Variants in MIS18BP1 observed in about 807,000 individuals in gnomAD.
MIS18BP1 encodes the protein MIS18 binding protein 1.
MIS18BP1 carries 72 observed loss-of-function variants against 116.1 expected under a neutral mutation model. The ratio of observed to expected loss-of-function variants is 0.62; its 90% CI spans 0.51 to 0.75. The LOEUF is 0.75. Ranked by LOEUF, MIS18BP1 falls within the 30% of genes least tolerant of loss-of-function variation. The probability of loss-of-function intolerance (pLI) is 0.00; values close to 1 mark genes in which losing one functional copy is unlikely to be tolerated. For missense variants in MIS18BP1, 1,363 were observed against 1,303.2 expected, an observed-to-expected ratio of 1.05 and a Z score of -0.71; for synonymous variants, 386 against 427.0, an observed-to-expected ratio of 0.90 and a Z score of 1.18.
At chr14:45,243,713 A>G (rs1288477865) in intron 2 of MIS18BP1, among the ~76,000 whole-genome samples, 3 of 152,144 alleles carry the variant, frequency 2.0e-5, no homozygotes, top group Non-Finnish European at 4.4e-5. Context: ...ATAAGTTTCT[A>G]TATCTTTAAC....
At chr14:45,239,253 G>A (rs1891510375) in intron 4 of MIS18BP1, among the ~76,000 whole-genome samples, 1 of 152,162 alleles carries the variant, frequency 6.6e-6, no homozygotes, top group Admixed American at 6.5e-5. Flanking sequence ...GTGTGTTAGG[G>A]TTGGGGGTGG....
chr14:45,237,068 C>G (rs145292555), intron 5 of MIS18BP1, among the ~76,000 whole-genome samples: 2 of 147,194 alleles, frequency 1.4e-5, no homozygotes, highest in East Asian at 4.0e-4. Context: ...GGCTGGAGAA[C>G]AGTTATAACC....
chr14:45,240,378 G>A (rs540482240), intron 4 of MIS18BP1, among the ~76,000 whole-genome samples: 114 of 152,222 alleles, frequency 7.5e-4, no homozygotes, highest in Non-Finnish European at 1.3e-3. Context: ...GCCAGGCGTG[G>A]TGGCTCACAC....
At chr14:45,210,110 GTTTT>G (rs528816614) in intron 14 of MIS18BP1, 9 of 233,150 alleles carry the variant, frequency 3.9e-5, no homozygotes, top group Non-Finnish European at 7.2e-5. Flanking sequence ...GGTTTCTTTA[GTTTT>G]TTTTTTTTAA....
At chr14:45,206,051 T>G in intron 15 of MIS18BP1, 32 bp downstream of exon 15, 2 of 1,390,414 alleles carry the variant, frequency 1.4e-6, no homozygotes, top group Non-Finnish European at 2.0e-6. Flanking sequence ...AGTTGTTTCA[T>G]AGATATGTAT....
intron 11 of MIS18BP1, among the ~76,000 whole-genome samples, chr14:45,223,660 G>C (rs1379859739): frequency 6.6e-6 from 1 of 152,160 alleles, no homozygotes; most frequent in African/African-American, 2.4e-5. Context: ...TGGCTATCTT[G>C]AAATATTACA....
At chr14:45,218,876 G>C (rs1335573359) in intron 11 of MIS18BP1, among the ~76,000 whole-genome samples, 1 of 129,250 alleles carries the variant, frequency 7.7e-6, no homozygotes, top group Non-Finnish European at 1.8e-5. Context: ...ATACAGTCTA[G>C]GTTATAAGCT....
rs777514496 is a variant in MIS18BP1 at position 45,242,024 on chromosome 14, G to C, written c.1143+10C>G. 1.6e-5 allele frequency: 25 copies of C among 1,589,092 alleles called. No homozygotes were observed. In the Admixed American group the frequency reaches 4.0e-4, roughly 25 times the overall value. On this transcript the variant is annotated intron_variant, in intron 4 of 16. Transcript: ENST00000310806. ...ATAGAAATAAATATCTGTCTTAAAA[G>C]TTTTCCCACCTGATTTTTTTTAAGT...
chr14:45,247,015 T>C lies in MIS18BP1; in HGVS notation c.272A>G (p.Asp91Gly), dbSNP rs752027713. 2 of 1,613,488 alleles carry C rather than the reference T, an allele frequency of 1.2e-6. No homozygotes were observed. The highest frequency in any genetic ancestry group is 1.7e-6 in the Non-Finnish European group (2 of 1,179,910). The part of the protein sequence containing the change: ...TEATTSNSSL[D>G]ISAIKPNKDG... The stretch of plus-strand genomic sequence containing the variant: ...CTTGTTGGGCTTTATAGCACTGATA[T>C]CAAGAGAACTGTTAGAGGTAGTAGC... Residue 91 changes from aspartate to glycine, a missense_variant, in exon 2 of 17, where the codon GAT becomes GGT. Transcript: ENST00000310806.
chr14:45,218,372 A>T lies in MIS18BP1; in HGVS notation c.2752T>A (p.Cys918Ser). ...AAVGSRSPEE[C>S]QRKYMENPRG... ...GGATTTTCCATGTATTTCCTCTGGC[A>T]TTCTTCAGGAGATCGAGAACCTACA... Residue 918 changes from cysteine (C) to serine (S), a missense_variant, in exon 12 of 17, where the codon TGC becomes AGC. By Grantham distance (112) the Cys-to-Ser change is moderately radical (BLOSUM62 -1). Transcript: ENST00000310806. The T allele has an allele frequency of 6.2e-7, 1 of 1,614,026 alleles. No individual in the cohort carries two copies. Among genetic ancestry groups the T allele is most frequent in the East Asian group, 2.2e-5 (1 of 44,854 alleles).
At position 45,203,905 on chromosome 14, in the gene MIS18BP1, C is replaced by T. The variant is rs543007989; in HGVS notation, c.*204G>A. The T allele has an allele frequency of 4.5e-5, 23 of 511,762 alleles. No individual in the cohort carries two copies. Among genetic ancestry groups the T allele is most frequent in the South Asian group, 1.0e-4 (2 of 19,572 alleles). The allele number at this position is 511,762 out of a possible 1,614,324, so 31.7% of individuals were successfully genotyped here. A position where few individuals can be genotyped will look rare whatever the true frequency, so the allele number is the denominator to read the frequency against. ...AAAAACAAATTTACAGATATCTACA[C>T]GAGCAAAAACAATTTTCTTTACATT... is the stretch of plus-strand genomic sequence containing the variant. On this transcript the variant is annotated 3_prime_UTR_variant, in exon 17 of 17. Transcript: ENST00000310806.
In MIS18BP1 at chr14:45,208,623, C is replaced by T. The variant is rs147092749; in HGVS notation, c.3152+1757G>A. Among the ~76,000 whole-genome samples, 42 of 152,098 alleles carry T rather than the reference C, an allele frequency of 2.8e-4. No homozygotes were observed. In the East Asian group the frequency reaches 5.6e-3, roughly 20 times the overall value. The stretch of plus-strand genomic sequence containing the variant: ...CTGGGATTACAGGTGTGAGCTACCG[C>T]GCCCGGCCACGGATGAATATTTTAA... On this transcript the variant is annotated intron_variant, in intron 14 of 16. Coordinates refer to ENST00000310806, the MANE Select transcript of MIS18BP1 (RefSeq NM_018353.5).
rs1466698407 is a variant in MIS18BP1 at position 45,223,975 on chromosome 14, A to T, written c.2612T>A (p.Leu871Ter). 1 of 1,606,636 alleles carries T rather than the reference A, an allele frequency of 6.2e-7. No homozygotes were observed. The highest frequency in any genetic ancestry group is 8.5e-7 in the Non-Finnish European group (1 of 1,178,292). ...TTCCTTATCCTGAATTAAACCAGGT[A>T]AGCATTCTAAGGGATGCCTATTTGT... ...DKTNRHPLECLPGLIQDKEWN... is the reference protein window; with the variant it reads ...DKTNRHPLEC Residue 871 changes from leucine (L) to a stop codon, truncating the protein, a stop_gained, in exon 11 of 17, where the codon TTA becomes TAA. Transcript: ENST00000310806. LOFTEE classifies it high-confidence loss of function.
In MIS18BP1 at chr14:45,224,583, A is replaced by G. The variant is rs931697278; in HGVS notation, c.2004T>C (p.Tyr668=). 2.5e-6 allele frequency: 4 copies of G among 1,613,776 alleles called. No individual in the cohort carries two copies. Among genetic ancestry groups the G allele is most frequent in the Middle Eastern group, 1.7e-4 (1 of 6,058 alleles). The change falls in exon 11 of 17, where the codon TAT becomes TAC. Residue 668 remains tyrosine (Y), a synonymous_variant. Transcript: ENST00000310806. ...RKVIEQRCMR[Y]NLSAGTIKAV... ...CTTTGATGGTGCCAGCGGACAGATTATACCTCATGCATCTTTGCTCTATCA... is the reference window on the plus strand; with the variant it reads ...CTTTGATGGTGCCAGCGGACAGATTGTACCTCATGCATCTTTGCTCTATCA...
chr14:45,246,815 A>ATT lies in MIS18BP1; in HGVS notation c.470_471dup (p.Leu158AsnfsTer24), dbSNP rs546807245. 1.8e-5 allele frequency: 24 copies of ATT among 1,323,100 alleles called. No homozygotes were observed. Among genetic ancestry groups the ATT allele is most frequent in the East Asian group, 7.9e-5 (3 of 37,738 alleles). The allele number at this position is 1,323,100 out of a possible 1,614,324, so 82.0% of individuals were successfully genotyped here. A position where few individuals can be genotyped will look rare whatever the true frequency, so the allele number is the denominator to read the frequency against. The stretch of plus-strand genomic sequence containing the variant: ...TCTTCACATAGGTAGGTATGCTGCA[A>ATT]TTTTTTTTTTTCAACTCTGTTAGGA... On this transcript the variant is annotated frameshift_variant, in exon 2 of 17. Coordinates refer to ENST00000310806, the MANE Select transcript of MIS18BP1 (RefSeq NM_018353.5). LOFTEE classifies it high-confidence loss of function.
At chr14:45,216,388 T>C (rs1055971515) in intron 13 of MIS18BP1, among the ~76,000 whole-genome samples, 2 of 152,210 alleles carry the variant, frequency 1.3e-5, no homozygotes, top group Admixed American at 6.5e-5. Context: ...ATTCAGAAAG[T>C]ACATAAATAT....
At chr14:45,245,850 A>G (rs1036262134) in intron 2 of MIS18BP1, among the ~76,000 whole-genome samples, 3 of 152,138 alleles carry the variant, frequency 2.0e-5, no homozygotes, top group African/African-American at 7.2e-5. Context: ...CTAAATTCCA[A>G]CTAGTTTTTT....
Position 45,242,301 on chromosome 14 carries a change from A to G in MIS18BP1, c.876T>C (p.Cys292=). The G allele has an allele frequency of 1.2e-6, 2 of 1,614,092 alleles. No homozygotes were observed. The highest frequency in any genetic ancestry group is 1.7e-6 in the Non-Finnish European group (2 of 1,180,010). ...ACAGGCTGCCATTTTTAATAGGAAT[A>G]CAATTAGTACTGAGAGTCTCAGCAT... ...NTNAETLSTN[C]IPIKNGSLLM... Residue 292 remains cysteine (C), a synonymous_variant, in exon 4 of 17, where the codon TGT becomes TGC. Coordinates refer to ENST00000310806, the MANE Select transcript of MIS18BP1 (RefSeq NM_018353.5).
At chr14:45,224,857 G>A in intron 10 of MIS18BP1, 111 bp from the exon 11 acceptor site, 1 of 815,036 alleles carries the variant, frequency 1.2e-6, no homozygotes, top group Admixed American at 3.0e-5. Flanking sequence ...TTATCCACGA[G>A]CTACACTGTA....
Sources: gnomAD v4.1 joint callset for allele counts (sites outside exome capture counted in the v4.1 genomes callset) on GRCh38, gnomAD v4.1.1 for gene constraint, MANE v1.5 for transcripts, NCBI Gene and HGNC (gene_info 2026-07-23, HGNC 2026-07-21) for gene names.